Variants in CA5A observed in about 807,000 individuals in gnomAD.
CA5A encodes carbonic anhydrase 5A, mitochondrial.
CA5A carries 28 observed loss-of-function variants against 37.1 expected under a neutral mutation model. That is an observed-to-expected ratio of 0.75 (90% CI 0.56 to 1.03). The LOEUF is 1.03. Among genes scored for constraint, CA5A ranks in the 50% least tolerant of loss-of-function variants. CA5A has a pLI of 0.00. For synonymous variants in CA5A, 171 were observed against 158.4 expected (o/e 1.08, Z -0.60); for missense variants, 444 against 399.9 (o/e 1.11, Z -0.94).
At chr16:87,919,556 C>G (rs1181287189) in intron 2 of CA5A, among the ~76,000 whole-genome samples, 1 of 152,046 alleles carries the variant, frequency 6.6e-6, no homozygotes, top group East Asian at 1.9e-4. Context: ...TGGGGGAGCA[C>G]TCACAGGAAA....
Position 87,923,741 on chromosome 16 carries a change from T to C in CA5A, c.340+3007A>G, listed in dbSNP as rs1055103840. 14 of 984,932 alleles carry C rather than the reference T, an allele frequency of 1.4e-5. No individual in the cohort carries two copies. In the Admixed American group the frequency reaches 2.5e-4, roughly 17 times the overall value. 61.0% of individuals were successfully genotyped at this position (984,932 alleles called of 1,614,324 possible). A position where few individuals can be genotyped will look rare whatever the true frequency, so the allele number is the denominator to read the frequency against. On this transcript the variant is annotated intron_variant, in intron 2 of 6. Coordinates refer to ENST00000649794, the MANE Select transcript of CA5A (RefSeq NM_001739.2). The stretch of plus-strand genomic sequence containing the variant: ...CCTTCAAAGTTTATACTTTACGACT[T>C]AGAGGAAACAAATCAGTTATTAAAA...
intron 2 of CA5A, chr16:87,923,892 CCAAA>C (rs2056264634): frequency 3.0e-6 from 3 of 984,672 alleles, no homozygotes; most frequent in Non-Finnish European, 3.6e-6. Context: ...AAATATTAAC[CCAAA>C]CAATTAAAAG....
At chr16:87,928,760 G>GTTTTT (rs60994571) in intron 1 of CA5A, among the ~76,000 whole-genome samples, 5 of 57,924 alleles carry the variant, frequency 8.6e-5, no homozygotes, top group Admixed American at 2.4e-4. Flanking sequence ...TCTTTTCTTT[G>GTTTTT]TTTTTTTTTT....
intron 6 of CA5A, among the ~76,000 whole-genome samples, chr16:87,889,270 G>C (rs2055680627): frequency 6.6e-6 from 1 of 151,828 alleles, no homozygotes; most frequent in Admixed American, 6.6e-5. Flanking sequence ...GGTCAGGCTG[G>C]TCTTGAACTC....
Position 87,891,832 on chromosome 16 carries a change from G to T in CA5A, c.741C>A (p.Ile247=). The change falls in exon 6 of 7, where the codon ATC becomes ATA. Residue 247 remains isoleucine (I), a synonymous_variant. Transcript: ENST00000649794. ...GGGCCACTTCAACGGGCTCCTTCTGGATGATCCAGGTGACCGACTCGGTCA... is the reference window on the plus strand; with the variant it reads ...GGGCCACTTCAACGGGCTCCTTCTGTATGATCCAGGTGACCGACTCGGTCA... ...PPLTESVTWI[I]QKEPVEVAPS... The T allele has an allele frequency of 6.4e-7, 1 of 1,571,154 alleles. No homozygotes were observed. Among genetic ancestry groups the T allele is most frequent in the Non-Finnish European group, 8.6e-7 (1 of 1,162,584 alleles).
In CA5A at chr16:87,891,964, C is replaced by G. The variant is rs760417555; in HGVS notation, c.619-10G>C. On this transcript the variant is annotated splice_polypyrimidine_tract_variant and intron_variant, in intron 5 of 6. Coordinates refer to ENST00000649794, the MANE Select transcript of CA5A (RefSeq NM_001739.2). The stretch of plus-strand genomic sequence containing the variant: ...TGGCCGCCCGCGCGTCCTGAGAGAC[C>G]GAGAAGCACAGGACGTGTCAGTCCT... 6.6e-7 allele frequency: 1 copy of G among 1,526,596 alleles called. No individual in the cohort carries two copies. Among genetic ancestry groups the G allele is most frequent in the Non-Finnish European group, 8.8e-7 (1 of 1,138,208 alleles). The allele number at this position is 1,526,596 out of a possible 1,614,324, so 94.6% of individuals were successfully genotyped here.
Position 87,901,971 on chromosome 16 carries a change from C to T in CA5A, c.559G>A (p.Gly187Arg), listed in dbSNP as rs1276998413. 108 of 1,613,526 alleles carry T rather than the reference C, an allele frequency of 6.7e-5. No individual in the cohort carries two copies. The highest frequency in any genetic ancestry group is 1.6e-4 in the Middle Eastern group (1 of 6,084). Reference protein sequence around the residue: ...LAVIGVFLKLGAHHQTLQRLV... With the variant: ...LAVIGVFLKLRAHHQTLQRLV... ...CTCTGCAGCGTCTGATGATGGGCCC[C>T]GAGCTGCATGGCAGACAAAGGAGGG... is the stretch of plus-strand genomic sequence containing the variant. Residue 187 changes from glycine (G) to arginine (R), a missense_variant, in exon 5 of 7, where the codon GGG becomes AGG. Coordinates refer to ENST00000649794, the MANE Select transcript of CA5A (RefSeq NM_001739.2).
intron 5 of CA5A, among the ~76,000 whole-genome samples, chr16:87,899,134 C>G (rs1311166350): frequency 6.6e-6 from 1 of 151,980 alleles, no homozygotes; most frequent in East Asian, 1.9e-4. Context: ...ACCCAGGAGT[C>G]CAACTGTGGG....
At chr16:87,888,605 A>G (rs2055671194) in intron 6 of CA5A, among the ~76,000 whole-genome samples, 2 of 152,146 alleles carry the variant, frequency 1.3e-5, no homozygotes, top group Non-Finnish European at 2.9e-5. Flanking sequence ...GAGAGGGCCA[A>G]CCTTGGAATG....
At chr16:87,913,060 T>G (rs1263974912) in intron 2 of CA5A, among the ~76,000 whole-genome samples, 1 of 151,672 alleles carries the variant, frequency 6.6e-6, no homozygotes, top group Non-Finnish European at 1.5e-5. Context: ...CTTGGCTCAC[T>G]GCAGCCTCCG....
intron 5 of CA5A, chr16:87,893,636 T>C (rs777706599): frequency 1.4e-5 from 9 of 643,332 alleles, no homozygotes; most frequent in Admixed American, 7.9e-5. Flanking sequence ...CGGAGTGCTG[T>C]GCCCCTGGTG....
intron 1 of CA5A, among the ~76,000 whole-genome samples, chr16:87,928,227 TG>T (rs2056340411): frequency 6.6e-6 from 1 of 152,140 alleles, no homozygotes; most frequent in Admixed American, 6.6e-5. Flanking sequence ...TGGAGTGTAG[TG>T]GTGTCAATCA....
At chr16:87,904,702 C>A in intron 3 of CA5A, 84 bp downstream of exon 3, 6 of 823,702 alleles carry the variant, frequency 7.3e-6, no homozygotes, top group Admixed American at 1.9e-5. Flanking sequence ...ATCTGAGCGG[C>A]GCGCATGGCT....
chr16:87,890,048 C>A (rs185149722), intron 6 of CA5A, among the ~76,000 whole-genome samples: 7 of 152,340 alleles, frequency 4.6e-5, no homozygotes, highest in East Asian at 1.9e-4. Flanking sequence ...GACTGTGCAG[C>A]CTTTCTCCTC....
rs74041852 is a variant in CA5A, at chr16:87,935,475, T to C, written c.142+834A>G. 9.3e-3 allele frequency among the ~76,000 whole-genome samples: 1,422 copies of C among 152,294 alleles called. 16 individuals are homozygous for C. The highest frequency in any genetic ancestry group is 0.033 in the African/African-American group (1,363 of 41,560). ...GGGTCTGGATGGTGAGTCGTGCCAG[T>C]GTGTCCCGTGCGAACACGGACTACC... On this transcript the variant is annotated intron_variant, in intron 1 of 6. Coordinates refer to ENST00000649794, the MANE Select transcript of CA5A (RefSeq NM_001739.2).
intron 5 of CA5A, among the ~76,000 whole-genome samples, chr16:87,894,627 G>A (rs901559084): frequency 6.7e-6 from 1 of 149,926 alleles, no homozygotes; most frequent in Non-Finnish European, 1.5e-5. Flanking sequence ...GCCTGTAATC[G>A]CAGCATTTTG....
At chr16:87,931,030 C>G (rs548562161) in intron 1 of CA5A, among the ~76,000 whole-genome samples, 2 of 149,328 alleles carry the variant, frequency 1.3e-5, no homozygotes, top group South Asian at 2.1e-4. Flanking sequence ...TGAGCCACTG[C>G]GCCCAGCCTG....
At chr16:87,901,773 G>T in intron 5 of CA5A, 139 bp downstream of exon 5, 2 of 582,034 alleles carry the variant, frequency 3.4e-6, no homozygotes, top group Non-Finnish European at 6.5e-6. Context: ...TTTTAGTGGA[G>T]ACGGGGTTTC....
At chr16:87,909,894 T>G (rs1467393461) in intron 2 of CA5A, among the ~76,000 whole-genome samples, 2 of 152,134 alleles carry the variant, frequency 1.3e-5, no homozygotes, top group African/African-American at 4.8e-5. Context: ...GGACGCACGT[T>G]CAGAAGCTGG....
Sources: allele counts gnomAD v4.1 joint callset (sites outside exome capture counted in the v4.1 genomes callset), GRCh38; gene constraint gnomAD v4.1.1; transcripts MANE v1.5; gene names NCBI Gene and HGNC (gene_info 2026-07-23, HGNC 2026-07-21).